BARHL2: variants seen among roughly 807,000 people sequenced by gnomAD.
BARHL2 encodes the protein barH-like 2 homeobox protein.
In BARHL2, 10 loss-of-function variants were observed where a neutral mutation model predicts 27.1. The ratio of observed to expected loss-of-function variants is 0.37; its 90% CI spans 0.23 to 0.63. The LOEUF is 0.63. Among genes scored for constraint, BARHL2 ranks in the 20% least tolerant of loss-of-function variants. The probability of loss-of-function intolerance (pLI) is 0.65; values close to 1 mark genes in which losing one functional copy is unlikely to be tolerated. For synonymous variants in BARHL2, 248 were observed against 224.7 expected, an observed-to-expected ratio of 1.10 and a Z score of -0.93; for missense variants, 483 against 533.5, an observed-to-expected ratio of 0.91 and a Z score of 0.93.
rs1341503151 is a variant in BARHL2 at position 90,712,633 on chromosome 1, A to G, written c.852-9T>C. ...GCCGCTTCCACTTGGTCCTGAAAGAAAGCGGGTGTGCAGGCACCCAGCAGC... is the reference window on the plus strand; with the variant it reads ...GCCGCTTCCACTTGGTCCTGAAAGAGAGCGGGTGTGCAGGCACCCAGCAGC... On this transcript the variant is annotated splice_polypyrimidine_tract_variant and intron_variant, in intron 2 of 2. Coordinates refer to ENST00000370445, the MANE Select transcript of BARHL2 (RefSeq NM_020063.2). 6.3e-7 allele frequency: 1 copy of G among 1,596,438 alleles called. No homozygotes were observed. Among genetic ancestry groups the G allele is most frequent in the Non-Finnish European group, 8.6e-7 (1 of 1,168,980 alleles).
intron 2 of BARHL2, among the ~76,000 whole-genome samples, chr1:90,713,558 G>T (rs1358622945): frequency 6.6e-6 from 1 of 152,114 alleles, no homozygotes; most frequent in Non-Finnish European, 1.5e-5. Context: ...ACAGAATTAG[G>T]GTGGCTGAAA....
Position 90,714,778 on chromosome 1 carries a change from G to A in BARHL2, c.626-22C>T, listed in dbSNP as rs71666273. 291 of 1,611,110 alleles carry A rather than the reference G, an allele frequency of 1.8e-4. No individual in the cohort carries two copies. In the East Asian group the frequency reaches 4.8e-3, roughly 26 times the overall value. On this transcript the variant is annotated intron_variant, in intron 1 of 2. Transcript: ENST00000370445. Reference sequence around the variant, plus strand: ...GTCCCTACCATAGAAACCCAGCCACGGTGGTAAGTTAGCCTGGAATGGGGA... The same window carrying A: ...GTCCCTACCATAGAAACCCAGCCACAGTGGTAAGTTAGCCTGGAATGGGGA...
In BARHL2 at chr1:90,712,179, C is replaced by T. The variant is rs1658045605; in HGVS notation, c.*133G>A. 7.0e-6 allele frequency: 7 copies of T among 1,004,476 alleles called. No homozygotes were observed. Among genetic ancestry groups the T allele is most frequent in the Non-Finnish European group, 9.5e-6 (7 of 734,382 alleles). The allele number at this position is 1,004,476 out of a possible 1,614,324, so 62.2% of individuals were successfully genotyped here. ...CCCCTGCCCACTGGTAAGCATCTTCCTCTCTTACTCCTCTGCCTTCCAGAG... is the reference window on the plus strand; with the variant it reads ...CCCCTGCCCACTGGTAAGCATCTTCTTCTCTTACTCCTCTGCCTTCCAGAG... On this transcript the variant is annotated 3_prime_UTR_variant, in exon 3 of 3. Transcript: ENST00000370445.
Position 90,716,830 on chromosome 1 carries a change from C to T in BARHL2, c.366G>A (p.Pro122=), listed in dbSNP as rs546122444. Residue 122 remains proline (P), a synonymous_variant, in exon 1 of 3, where the codon CCG becomes CCA. Transcript: ENST00000370445. The stretch of plus-strand genomic sequence containing the variant: ...CCGAGCCCAGCTGCTGGGGGGGCGG[C>T]GGCGGCGGCTGCTGTGGCGGCAGCG... ...QQPLPPQQPP[P]PPPQQLGSAA... is the part of the protein sequence containing the mutation. 2.6e-6 allele frequency: 4 copies of T among 1,552,784 alleles called. No individual in the cohort carries two copies. The highest frequency in any genetic ancestry group is 2.4e-5 in the South Asian group (2 of 84,728).
chr1:90,713,835 G>T (rs1658087649), intron 2 of BARHL2, among the ~76,000 whole-genome samples: 1 of 152,222 alleles, frequency 6.6e-6, no homozygotes, highest in Non-Finnish European at 1.5e-5. Flanking sequence ...TGCCAGGCAG[G>T]CTCTGCAGCA....
chr1:90,717,000 TAGG>T lies in BARHL2; in HGVS notation c.193_195del (p.Pro65del), dbSNP rs761337599. ...TCCGGGGGCTCCATGGTGACTGAGATAGGAGAAGAAGGCGCCGTCCCTACGGTA... is the reference window on the plus strand; with the variant it reads ...TCCGGGGGCTCCATGGTGACTGAGATAGAAGAAGGCGCCGTCCCTACGGTA... On this transcript the variant is annotated inframe_deletion, in exon 1 of 3. Transcript: ENST00000370445. The T allele has an allele frequency of 1.1e-5, 17 of 1,613,474 alleles. No homozygotes were observed. Among genetic ancestry groups the T allele is most frequent in the Non-Finnish European group, 1.4e-5 (17 of 1,179,846 alleles).
chr1:90,714,279 G>A (rs76709119), intron 2 of BARHL2, among the ~76,000 whole-genome samples: 9,249 of 152,242 alleles, frequency 0.061, 356 homozygotes, highest in Non-Finnish European at 0.094. Flanking sequence ...CCAGCGGCTC[G>A]GGTTTCAGAG....
At chr1:90,713,121 G>C (rs1230787013) in intron 2 of BARHL2, among the ~76,000 whole-genome samples, 1 of 152,132 alleles carries the variant, frequency 6.6e-6, no homozygotes, top group Admixed American at 6.5e-5. Context: ...AGACTCCTAA[G>C]CCAGGGACCC....
In BARHL2 at chr1:90,716,771, A is replaced by G; in HGVS notation, c.425T>C (p.Phe142Ser). Residue 142 changes from phenylalanine (F) to serine (S), a missense_variant, in exon 1 of 3, where the codon TTT becomes TCT. Coordinates refer to ENST00000370445, the MANE Select transcript of BARHL2 (RefSeq NM_020063.2). ...ASAPRTSTSS[F>S]LIKDILGDSK... ...GTCGCCCAAGATGTCCTTAATTAAA[A>G]AAGAAGACGTGGAAGTCCTGGGGGC... 6.4e-7 allele frequency: 1 copy of G among 1,565,280 alleles called. No homozygotes were observed. The highest frequency in any genetic ancestry group is 8.7e-7 in the Non-Finnish European group (1 of 1,154,132).
Position 90,712,384 on chromosome 1 carries a change from G to A in BARHL2, c.1092C>T (p.Gly364=). ...GGGCTGGCTGTCCCCCAGGCCCTAG[G>A]CCGTGGATGAGCACACGGGGCACCA... ...RPLVPRVLIH[G]LGPGGQPALN... is the part of the protein sequence containing the mutation. Residue 364 remains glycine (G), a synonymous_variant, in exon 3 of 3, where the codon GGC becomes GGT. Coordinates refer to ENST00000370445, the MANE Select transcript of BARHL2 (RefSeq NM_020063.2). 6.3e-7 allele frequency: 1 copy of A among 1,583,354 alleles called. No individual in the cohort carries two copies. Among genetic ancestry groups the A allele is most frequent in the Non-Finnish European group, 8.6e-7 (1 of 1,163,116 alleles).
At position 90,712,498 on chromosome 1, in the gene BARHL2, G is replaced by A. The variant is rs113868658; in HGVS notation, c.978C>T (p.Asp326=). Residue 326 remains aspartate, a synonymous_variant, in exon 3 of 3, where the codon GAC becomes GAT. Coordinates refer to ENST00000370445, the MANE Select transcript of BARHL2 (RefSeq NM_020063.2). ...CGGCAGCCGCCGCCGCCGTAGTGCT[G>A]TCCATGCTGCCCAGCAGGCTTGGGT... ...FYHPSLLGSM[D]STTAAAAAAA... is the part of the protein sequence containing the mutation. The A allele has an allele frequency of 1.9e-6, 3 of 1,614,024 alleles. No homozygotes were observed. The highest frequency in any genetic ancestry group is 2.5e-6 in the Non-Finnish European group (3 of 1,179,976).
chr1:90,715,071 T>C (rs1321715882), intron 1 of BARHL2, among the ~76,000 whole-genome samples: 1 of 152,172 alleles, frequency 6.6e-6, no homozygotes, highest in Non-Finnish European at 1.5e-5. Flanking sequence ...TATTTTGTTA[T>C]TGTTTCCTTG....
In BARHL2 at chr1:90,713,464, G is replaced by A. The variant is rs368612250; in HGVS notation, c.852-840C>T. 5.9e-5 allele frequency among the ~76,000 whole-genome samples: 9 copies of A among 152,318 alleles called. No homozygotes were observed. In the East Asian group the frequency reaches 1.2e-3, roughly 20 times the overall value. ...TTATGAAGGAACGCAGGGCTGGTGG[G>A]CCATCCATACCCGGCAGCTCCAGCC... On this transcript the variant is annotated intron_variant, in intron 2 of 2. Coordinates refer to ENST00000370445, the MANE Select transcript of BARHL2 (RefSeq NM_020063.2).
chr1:90,714,008 T>G (rs1380105307), intron 2 of BARHL2, among the ~76,000 whole-genome samples: 1 of 152,174 alleles, frequency 6.6e-6, no homozygotes, highest in East Asian at 1.9e-4. Flanking sequence ...GCAGCTACAC[T>G]GACCAAGGCT....
Position 90,712,280 on chromosome 1 carries a change from G to A in BARHL2, c.*32C>T. 1.4e-6 allele frequency: 2 copies of A among 1,434,022 alleles called. No homozygotes were observed. Among genetic ancestry groups the A allele is most frequent in the Non-Finnish European group, 1.8e-6 (2 of 1,092,940 alleles). 88.8% of individuals were successfully genotyped at this position (1,434,022 alleles called of 1,614,324 possible). On this transcript the variant is annotated 3_prime_UTR_variant, in exon 3 of 3. Coordinates refer to ENST00000370445, the MANE Select transcript of BARHL2 (RefSeq NM_020063.2). ...AGTCCGGGTTGGGCAGGGATATGGG[G>A]AAGGGATTGCAGTGCCTTCGCTGCA... is the stretch of plus-strand genomic sequence containing the variant.
rs187585491 is a variant in BARHL2, at chr1:90,714,578, C to A, written c.804G>T (p.Ala268=). The change falls in exon 2 of 3, where the codon GCG becomes GCT. Residue 268 remains alanine (A), a synonymous_variant. Transcript: ENST00000370445. The part of the protein sequence containing the change: ...SVQDRMDLAA[A]LNLTDTQVKT... ...TGACTTGGGTGTCAGTGAGGTTGAG[C>A]GCTGCAGCCAGGTCCATGCGATCCT... 16 of 1,614,200 alleles carry A rather than the reference C, an allele frequency of 9.9e-6. No individual in the cohort carries two copies. In the East Asian group the frequency reaches 2.2e-4, roughly 22 times the overall value.
chr1:90,713,316 C>T (rs1293992244), intron 2 of BARHL2, among the ~76,000 whole-genome samples: 1 of 152,162 alleles, frequency 6.6e-6, no homozygotes, highest in Non-Finnish European at 1.5e-5. Flanking sequence ...GAATGCATTT[C>T]AAGGTATTTC....
Position 90,712,577 on chromosome 1 carries a change from T to C in BARHL2, c.899A>G (p.Glu300Gly). 6.2e-7 allele frequency: 1 copy of C among 1,613,346 alleles called. No homozygotes were observed. The highest frequency in any genetic ancestry group is 2.2e-5 in the East Asian group (1 of 44,836). Residue 300 changes from glutamate to glycine, a missense_variant, in exon 3 of 3, where the codon GAG becomes GGG. Transcript: ENST00000370445. ...CTGCAGCGCCGAGTAGTTCCCTGCC[T>C]CGGCCAGCAACTCCAGGCCCACCGC... ...QTAVGLELLA[E>G]AGNYSALQRM...
intron 1 of BARHL2, among the ~76,000 whole-genome samples, chr1:90,715,427 T>A (rs1038014896): frequency 6.6e-5 from 10 of 152,062 alleles, no homozygotes; most frequent in Non-Finnish European, 1.5e-5. Context: ...TTTGTCAACT[T>A]TGGTTTTTTA....
Sources: allele counts gnomAD v4.1 joint callset (sites outside exome capture counted in the v4.1 genomes callset), GRCh38; gene constraint gnomAD v4.1.1; transcripts MANE v1.5; gene names NCBI Gene and HGNC (gene_info 2026-07-23, HGNC 2026-07-21).